PDS5B: variants seen among roughly 807,000 people sequenced by gnomAD.
The protein encoded by PDS5B is sister chromatid cohesion protein PDS5 homolog B.
A neutral mutation model predicts 184.1 loss-of-function variants in PDS5B; 51 were observed. That is an observed-to-expected ratio of 0.28 (90% CI 0.22 to 0.35). The LOEUF is 0.35. Ranked by LOEUF, PDS5B falls within the 10% of genes least tolerant of loss-of-function variation. The pLI, the probability that PDS5B is intolerant of heterozygous loss-of-function variation, is 1.00. For synonymous variants in PDS5B, 566 were observed against 569.2 expected, an observed-to-expected ratio of 0.99 and a Z score of 0.08; for missense variants, 1,180 against 1,723.3, an observed-to-expected ratio of 0.68 and a Z score of 5.58.
chr13:32,764,061 A>C (rs1464925179), intron 30 of PDS5B, among the ~76,000 whole-genome samples: 3 of 72,146 alleles, frequency 4.2e-5, no homozygotes, highest in Non-Finnish European at 7.9e-5. Flanking sequence ...TTATATTCTA[A>C]CGGGAAGGCA....
At chr13:32,733,275 C>T (rs1953188695) in intron 20 of PDS5B, among the ~76,000 whole-genome samples, 2 of 152,062 alleles carry the variant, frequency 1.3e-5, no homozygotes, top group Non-Finnish European at 2.9e-5. Context: ...CTCTGTAGTC[C>T]TCCTCCTATG....
At chr13:32,658,198 C>T (rs764252199) in intron 3 of PDS5B, 41 bp from the exon 4 acceptor site, 43 of 880,442 alleles carry the variant, frequency 4.9e-5, no homozygotes, top group African/African-American at 1.9e-4. Context: ...TTTCATTTAG[C>T]GTTCATAATC....
chr13:32,614,226 A>C (rs1236387766), intron 1 of PDS5B, among the ~76,000 whole-genome samples: 5 of 151,638 alleles, frequency 3.3e-5, no homozygotes, highest in Non-Finnish European at 5.9e-5. Context: ...TTGAATTTCC[A>C]TGTGAATTTT....
chr13:32,744,135 TTTTA>T (rs1477671477), intron 23 of PDS5B, among the ~76,000 whole-genome samples: 2 of 152,206 alleles, frequency 1.3e-5, no homozygotes, highest in Non-Finnish European at 2.9e-5. Flanking sequence ...TATCAGCTGC[TTTTA>T]TTTATCAGCA....
At chr13:32,604,830 A>G (rs1477264271) in intron 1 of PDS5B, among the ~76,000 whole-genome samples, 1 of 152,054 alleles carries the variant, frequency 6.6e-6, no homozygotes, top group Non-Finnish European at 1.5e-5. Flanking sequence ...GAATTTATCC[A>G]TTTCTTCTAG....
intron 1 of PDS5B, among the ~76,000 whole-genome samples, chr13:32,593,429 C>A (rs921740869): frequency 6.6e-6 from 1 of 152,178 alleles, no homozygotes; most frequent in African/African-American, 2.4e-5. Context: ...CAACCTCTGC[C>A]TCATGGGTTC....
At chr13:32,770,791 A>G (rs1235866140) in intron 33 of PDS5B, 30 bp downstream of exon 33, 2 of 1,494,636 alleles carry the variant, frequency 1.3e-6, no homozygotes, top group African/African-American at 1.4e-5. Flanking sequence ...TTTCAAACCA[A>G]TTTCAAATTA....
intron 33 of PDS5B, among the ~76,000 whole-genome samples, chr13:32,771,678 C>T (rs892599874): frequency 1.3e-5 from 2 of 151,950 alleles, no homozygotes; most frequent in African/African-American, 4.8e-5. Context: ...ATTTTTCTAT[C>T]AGGTTAAAAG....
chr13:32,775,975 AAT>A lies in PDS5B; in HGVS notation c.*924_*925del. On this transcript the variant is annotated 3_prime_UTR_variant, in exon 35 of 35. Transcript: ENST00000315596. ...TTGAACGTTATGTTCAGAAAATGCA[AAT>A]TACACTATAATATAAAACCTGATAT... is the stretch of plus-strand genomic sequence containing the variant. 5.2e-6 allele frequency: 1 copy of A among 193,322 alleles called. No homozygotes were observed. The highest frequency in any genetic ancestry group is 1.1e-5 in the Non-Finnish European group (1 of 92,510). The allele number at this position is 193,322 out of a possible 1,614,324, so 12.0% of individuals were successfully genotyped here. A position where few individuals can be genotyped will look rare whatever the true frequency, so the allele number is the denominator to read the frequency against.
chr13:32,635,833 A>G (rs961847749), intron 1 of PDS5B, among the ~76,000 whole-genome samples: 5 of 139,278 alleles, frequency 3.6e-5, no homozygotes, highest in Non-Finnish European at 7.6e-5. Context: ...CAGTGGTGCT[A>G]TCTCGGCTCA....
intron 19 of PDS5B, among the ~76,000 whole-genome samples, chr13:32,712,709 C>T (rs1445448261): frequency 6.6e-6 from 1 of 152,102 alleles, no homozygotes. Flanking sequence ...GAGGATATTG[C>T]TATATGGACA....
intron 20 of PDS5B, among the ~76,000 whole-genome samples, chr13:32,732,532 A>T (rs1446966836): frequency 1.3e-5 from 2 of 152,124 alleles, no homozygotes; most frequent in African/African-American, 2.4e-5. Flanking sequence ...GATAGTAGGT[A>T]ACAGATGATT....
At chr13:32,640,370 C>T (rs1235366293) in intron 1 of PDS5B, among the ~76,000 whole-genome samples, 1 of 152,212 alleles carries the variant, frequency 6.6e-6, no homozygotes, top group Non-Finnish European at 1.5e-5. Flanking sequence ...CCTCAGCCTC[C>T]TGAGTAGTTG....
At chr13:32,757,913 A>G (rs117340280) in intron 26 of PDS5B, among the ~76,000 whole-genome samples, 174 bp from the exon 27 acceptor site, 6,154 of 148,714 alleles carry the variant, frequency 0.041, 169 homozygotes, top group Middle Eastern at 0.097. Flanking sequence ...CTGTTTTTAT[A>G]TGTTTGTATG....
intron 24 of PDS5B, 37 bp from the exon 25 acceptor site, chr13:32,753,295 C>T (rs1954053614): frequency 6.5e-7 from 1 of 1,532,598 alleles, no homozygotes; most frequent in South Asian, 1.1e-5. Flanking sequence ...TCTTTGCTGC[C>T]ATTTGAATAA....
chr13:32,674,093 A>G (rs1233839507), intron 8 of PDS5B, among the ~76,000 whole-genome samples: 2 of 152,182 alleles, frequency 1.3e-5, no homozygotes, highest in Non-Finnish European at 2.9e-5. Context: ...CATTACAGGC[A>G]TAAACCACCA....
chr13:32,765,206 T>C (rs1954545462), intron 31 of PDS5B, among the ~76,000 whole-genome samples: 1 of 152,214 alleles, frequency 6.6e-6, no homozygotes, highest in Admixed American at 6.5e-5. Flanking sequence ...TAACTGGGTT[T>C]GTTTTGACTT....
At chr13:32,599,471 G>T (rs1466447219) in intron 1 of PDS5B, among the ~76,000 whole-genome samples, 1 of 150,900 alleles carries the variant, frequency 6.6e-6, no homozygotes, top group African/African-American at 2.4e-5. Flanking sequence ...TCACCAGGTT[G>T]GTCAGGCTGG....
chr13:32,618,136 C>T (rs756720978), intron 1 of PDS5B, among the ~76,000 whole-genome samples: 5 of 152,136 alleles, frequency 3.3e-5, no homozygotes, highest in African/African-American at 7.2e-5. Flanking sequence ...GAGGAGCCCT[C>T]GTGGCCTAAG....
Sources: allele counts gnomAD v4.1 joint callset (sites outside exome capture counted in the v4.1 genomes callset), GRCh38; gene constraint gnomAD v4.1.1; transcripts MANE v1.5; gene names NCBI Gene and HGNC (gene_info 2026-07-23, HGNC 2026-07-21).